The following REDIC1 variants were observed in gnomAD, a reference collection of about 807,000 sequenced individuals.
REDIC1 encodes HEI10 Interacting Protein 1.
At chr12:39,762,571 A>G in the REDIC1 span, among the ~76,000 whole-genome samples, 1 of 152,066 alleles carries the variant, frequency 6.6e-6, no homozygotes, top group Non-Finnish European at 1.5e-5. Context: ...TGTAAGCAAT[A>G]TGGTTGAGGA....
chr12:39,804,429 A>G, the REDIC1 span, among the ~76,000 whole-genome samples: 7 of 152,208 alleles, frequency 4.6e-5, no homozygotes, highest in African/African-American at 1.7e-4. Flanking sequence ...TAATGGTAAG[A>G]GTTTAACATT....
the REDIC1 span, among the ~76,000 whole-genome samples, chr12:39,822,189 G>A: frequency 1.3e-5 from 2 of 151,208 alleles, no homozygotes; most frequent in South Asian, 2.1e-4. Context: ...TTCTTCTTGC[G>A]ATAGTTTACT....
At chr12:39,863,185 TTGAA>T in the REDIC1 span, among the ~76,000 whole-genome samples, 4 of 152,122 alleles carry the variant, frequency 2.6e-5, no homozygotes, top group African/African-American at 9.7e-5. Flanking sequence ...CTCATTAAAA[TTGAA>T]TATTAAAATA....
At chr12:39,650,118 C>T in the REDIC1 span, 6 of 1,078,474 alleles carry the variant, frequency 5.6e-6, no homozygotes, top group African/African-American at 5.0e-5. The surrounding 1 kb of genome is among the most constrained non-coding windows in gnomAD (Gnocchi z 4.3). Context: ...TTATTTTGGA[C>T]TATTTTTACA....
At chr12:39,823,190 A>C in the REDIC1 span, among the ~76,000 whole-genome samples, 1 of 152,332 alleles carries the variant, frequency 6.6e-6, no homozygotes, top group African/African-American at 2.4e-5. Context: ...ATAATTTTAA[A>C]AGTCAAATGG....
At chr12:39,748,309 G>T in the REDIC1 span, among the ~76,000 whole-genome samples, 1 of 152,032 alleles carries the variant, frequency 6.6e-6, no homozygotes, top group Admixed American at 6.6e-5. Context: ...AACCAACAAA[G>T]ATCAAAAGAG....
chr12:39,809,797 G>A, the REDIC1 span, among the ~76,000 whole-genome samples: 2 of 152,064 alleles, frequency 1.3e-5, no homozygotes, highest in African/African-American at 4.8e-5. Context: ...TGAGAATGAT[G>A]GTTTCCAGCT....
chr12:39,750,775 G>C, the REDIC1 span, among the ~76,000 whole-genome samples: 1 of 152,120 alleles, frequency 6.6e-6, no homozygotes, highest in African/African-American at 2.4e-5. Context: ...ACAACCATCT[G>C]ATCTTTGACA....
chr12:39,815,597 G>A, the REDIC1 span, among the ~76,000 whole-genome samples: 21 of 152,132 alleles, frequency 1.4e-4, no homozygotes, highest in Non-Finnish European at 2.5e-4. Context: ...TCTAGTTTGG[G>A]GGACGGTAAG....
chr12:39,738,134 C>T, the REDIC1 span, among the ~76,000 whole-genome samples: 1 of 152,204 alleles, frequency 6.6e-6, no homozygotes, highest in Non-Finnish European at 1.5e-5. Context: ...TTAGATTTCA[C>T]ACTCATAGAA....
chr12:39,750,868 G>C, the REDIC1 span, among the ~76,000 whole-genome samples: 1 of 152,304 alleles, frequency 6.6e-6, no homozygotes, highest in Non-Finnish European at 1.5e-5. Flanking sequence ...TATGTAGAAA[G>C]CTGAAACTGG....
At chr12:39,720,708 G>C in the REDIC1 span, 1 of 1,082,014 alleles carries the variant, frequency 9.2e-7, no homozygotes, top group African/African-American at 1.6e-5. Context: ...GGGATTTTAA[G>C]AATATATTCT....
the REDIC1 span, among the ~76,000 whole-genome samples, chr12:39,833,521 T>C: frequency 6.6e-6 from 1 of 152,064 alleles, no homozygotes; most frequent in African/African-American, 2.4e-5. Flanking sequence ...AATGTCTTCA[T>C]ATTTAGGTTT....
chr12:39,733,106 G>C, the REDIC1 span, among the ~76,000 whole-genome samples: 2 of 140,968 alleles, frequency 1.4e-5, no homozygotes, highest in Non-Finnish European at 1.5e-5. Context: ...CTTATTTAAA[G>C]ATAAAACAGT....
At chr12:39,849,018 C>T in the REDIC1 span, among the ~76,000 whole-genome samples, 1 of 151,880 alleles carries the variant, frequency 6.6e-6, no homozygotes, top group African/African-American at 2.4e-5. Context: ...CTGGGGTCTA[C>T]TTGAGCAGGG....
the REDIC1 span, among the ~76,000 whole-genome samples, chr12:39,848,652 A>T: frequency 6.6e-6 from 1 of 152,162 alleles, no homozygotes; most frequent in African/African-American, 2.4e-5. Flanking sequence ...CTACCATTTG[A>T]CCCAGCTCCC....
chr12:39,859,296 A>G, the REDIC1 span, among the ~76,000 whole-genome samples: 1 of 146,412 alleles, frequency 6.8e-6, no homozygotes, highest in Non-Finnish European at 1.5e-5. Context: ...AAAAAAAAAG[A>G]AAAAGAAAGA....
chr12:39,730,444 TGG>T, the REDIC1 span, among the ~76,000 whole-genome samples: 3 of 152,246 alleles, frequency 2.0e-5, no homozygotes, highest in African/African-American at 7.2e-5. Flanking sequence ...TATGAAATTC[TGG>T]GTTGAAAATT....
At chr12:39,764,583 A>G in the REDIC1 span, 1 of 1,608,584 alleles carries the variant, frequency 6.2e-7, no homozygotes, top group Non-Finnish European at 8.5e-7. Context: ...TATATTTCAG[A>G]ATTCACAGTC....
Sources: allele counts gnomAD v4.1 joint callset (sites outside exome capture counted in the v4.1 genomes callset), GRCh38; gene constraint gnomAD v4.1.1; non-coding constraint Gnocchi (gnomAD v3.1); transcripts MANE v1.5; gene names NCBI Gene and HGNC (gene_info 2026-07-23, HGNC 2026-07-21).